CREB3L2: variants seen among roughly 807,000 people sequenced by gnomAD.
CREB3L2 encodes the protein cyclic AMP-responsive element-binding protein 3-like protein 2.
CREB3L2 carries 23 observed loss-of-function variants against 57.2 expected under a neutral mutation model. The observed-to-expected ratio is 0.40, with a 90% confidence interval of 0.29 to 0.57. The LOEUF (loss-of-function observed/expected upper bound fraction) is 0.57, where lower values mean the gene tolerates loss of function less well. Ranked by LOEUF, CREB3L2 falls within the 20% of genes least tolerant of loss-of-function variation. CREB3L2 has a pLI of 0.42. For synonymous variants in CREB3L2, 268 were observed against 265.1 expected (o/e 1.01, Z -0.11); for missense variants, 628 against 634.7 (o/e 0.99, Z 0.11).
chr7:137,889,221 C>T lies in CREB3L2; in HGVS notation c.1044-3719G>A, dbSNP rs537846506. ...CTCCCCAGTGCCTCCTGAAAACAGACTTTCAGCAGGCCAGCTACACCTGAA... is the reference window on the plus strand; with the variant it reads ...CTCCCCAGTGCCTCCTGAAAACAGATTTTCAGCAGGCCAGCTACACCTGAA... On this transcript the variant is annotated intron_variant, in intron 8 of 11. Coordinates refer to ENST00000330387, the MANE Select transcript of CREB3L2 (RefSeq NM_194071.4). 4.6e-5 allele frequency among the ~76,000 whole-genome samples: 7 copies of T among 152,312 alleles called. No homozygotes were observed. The East Asian group carries it at 1.2e-3, about 25-fold the overall frequency.
chr7:137,912,104 T>C (rs1038268006), intron 4 of CREB3L2, among the ~76,000 whole-genome samples: 2 of 151,978 alleles, frequency 1.3e-5, no homozygotes, highest in Non-Finnish European at 2.9e-5. Context: ...TGGCCAGGCG[T>C]GGTGGCTTAT....
chr7:137,889,299 A>C (rs377102357), intron 8 of CREB3L2, among the ~76,000 whole-genome samples: 2 of 152,190 alleles, frequency 1.3e-5, no homozygotes, highest in East Asian at 3.9e-4. Flanking sequence ...TTCCCCAGTC[A>C]CAGGTGTAAA....
In CREB3L2 at chr7:137,951,824, C is replaced by CA. The variant is rs1051521434; in HGVS notation, c.103-23459dup. 5.9e-5 allele frequency among the ~76,000 whole-genome samples: 9 copies of CA among 151,618 alleles called. No individual in the cohort carries two copies. In the East Asian group the frequency reaches 7.7e-4, roughly 13 times the overall value. On this transcript the variant is annotated intron_variant, in intron 1 of 11. Transcript: ENST00000330387. ...CAACATAGGGAGACTCTGTCTCTACCAAAAAAAATGTTTTAATTAGCTGGG... is the reference window on the plus strand; with the variant it reads ...CAACATAGGGAGACTCTGTCTCTACCAAAAAAAAATGTTTTAATTAGCTGGG...
At chr7:137,992,603 C>T (rs1801919273) in intron 1 of CREB3L2, among the ~76,000 whole-genome samples, 1 of 152,146 alleles carries the variant, frequency 6.6e-6, no homozygotes, top group African/African-American at 2.4e-5. Flanking sequence ...AGACAAATAA[C>T]AAGTATAAAA....
At chr7:137,960,385 A>G (rs1242618635) in intron 1 of CREB3L2, among the ~76,000 whole-genome samples, 1 of 152,210 alleles carries the variant, frequency 6.6e-6, no homozygotes, top group African/African-American at 2.4e-5. Context: ...ATAAATACAT[A>G]TGTGTGTGTT....
rs1313071853 is a variant in CREB3L2 at position 137,875,113 on chromosome 7, T to G, written c.*5363A>C. 1 of 197,228 alleles carries G rather than the reference T, an allele frequency of 5.1e-6. No individual in the cohort carries two copies. The highest frequency in any genetic ancestry group is 6.1e-5 in the Admixed American group (1 of 16,392). 12.2% of individuals were successfully genotyped at this position (197,228 alleles called of 1,614,324 possible). A position where few individuals can be genotyped will look rare whatever the true frequency, so the allele number is the denominator to read the frequency against. ...TTTTTTTTTTTGGTATTTACTTAGC[T>G]ATGATAAAGAATAAAAAGTCATTTA... On this transcript the variant is annotated 3_prime_UTR_variant, in exon 12 of 12. Coordinates refer to ENST00000330387, the MANE Select transcript of CREB3L2 (RefSeq NM_194071.4).
intron 1 of CREB3L2, among the ~76,000 whole-genome samples, chr7:137,990,558 G>C (rs1160906737): frequency 6.6e-6 from 1 of 152,160 alleles, no homozygotes; most frequent in Non-Finnish European, 1.5e-5. Flanking sequence ...TCCTCGAATT[G>C]GAGGAAGGAC....
At chr7:137,936,187 C>A (rs1040074621) in intron 1 of CREB3L2, among the ~76,000 whole-genome samples, 1 of 152,208 alleles carries the variant, frequency 6.6e-6, no homozygotes, top group Admixed American at 6.5e-5. Context: ...CTTATAAAGA[C>A]AGAGTTATCC....
chr7:137,948,029 C>T (rs1296257147), intron 1 of CREB3L2, among the ~76,000 whole-genome samples: 1 of 152,168 alleles, frequency 6.6e-6, no homozygotes, highest in South Asian at 2.1e-4. Flanking sequence ...TTTCTGGCTC[C>T]CTGGATGAAC....
Position 137,969,779 on chromosome 7 carries a change from C to CAA in CREB3L2, c.102+31824_102+31825insTT, listed in dbSNP as rs1204009673. On this transcript the variant is annotated intron_variant, in intron 1 of 11. Coordinates refer to ENST00000330387, the MANE Select transcript of CREB3L2 (RefSeq NM_194071.4). ...GTCATCAAACACACACACACACACA[C>CAA]ACACACACACACACAACATACACAT... Among the ~76,000 whole-genome samples, 6 of 137,708 alleles carry CAA rather than the reference C, an allele frequency of 4.4e-5. No individual in the cohort carries two copies. In the East Asian group the frequency reaches 1.5e-3, roughly 34 times the overall value. 90.3% of individuals were successfully genotyped at this position (137,708 alleles called of 152,430 possible).
Position 137,914,490 on chromosome 7 carries a change from G to T in CREB3L2, c.495+1347C>A, listed in dbSNP as rs147748594. ...CTACTAAAAATACAAAAATTAGCCA[G>T]GCGTGGTGGCTGGTGCCTGTAATCC... is the stretch of plus-strand genomic sequence containing the variant. On this transcript the variant is annotated intron_variant, in intron 3 of 11. Transcript: ENST00000330387. Among the ~76,000 whole-genome samples the T allele has an allele frequency of 2.4e-4, 36 of 152,290 alleles. No homozygotes were observed. The East Asian group carries it at 6.6e-3, about 28-fold the overall frequency.
At chr7:137,900,497 AAAAAAC>A (rs949390186) in intron 8 of CREB3L2, among the ~76,000 whole-genome samples, 1 of 152,170 alleles carries the variant, frequency 6.6e-6, no homozygotes, top group African/African-American at 2.4e-5. Flanking sequence ...AAACTAATTT[AAAAAAC>A]AATGATTTGC....
At chr7:137,973,099 C>T in intron 1 of CREB3L2, among the ~76,000 whole-genome samples, 1 of 151,096 alleles carries the variant, frequency 6.6e-6, no homozygotes, top group Non-Finnish European at 1.5e-5. Context: ...GTGCAGCGCA[C>T]CAGCACGGCA....
chr7:137,879,381 G>C lies in CREB3L2; in HGVS notation c.*1095C>G. ...CAGGCAGGTGTGGAAAGCCAGCAAG[G>C]TTGTCTGAAATGTCTGTTGTCAGAA... On this transcript the variant is annotated 3_prime_UTR_variant, in exon 12 of 12. Coordinates refer to ENST00000330387, the MANE Select transcript of CREB3L2 (RefSeq NM_194071.4). The C allele has an allele frequency of 2.1e-6, 1 of 469,510 alleles. No homozygotes were observed. The highest frequency in any genetic ancestry group is 1.8e-5 in the South Asian group (1 of 55,100). 29.1% of individuals were successfully genotyped at this position (469,510 alleles called of 1,614,324 possible).
intron 2 of CREB3L2, among the ~76,000 whole-genome samples, chr7:137,919,587 T>C (rs933549461): frequency 6.6e-6 from 1 of 152,230 alleles, no homozygotes; most frequent in African/African-American, 2.4e-5. Context: ...GAAAACTTTC[T>C]ATGTGGATAA....
chr7:137,968,347 C>T (rs1801443997), intron 1 of CREB3L2, among the ~76,000 whole-genome samples: 1 of 152,124 alleles, frequency 6.6e-6, no homozygotes, highest in South Asian at 2.1e-4. Flanking sequence ...TCTCCCAACG[C>T]TATCCATCCC....
chr7:137,926,006 G>C (rs778777825), intron 2 of CREB3L2, among the ~76,000 whole-genome samples: 5 of 152,248 alleles, frequency 3.3e-5, no homozygotes, highest in Non-Finnish European at 7.3e-5. Flanking sequence ...GAACTGAATG[G>C]TGAATGCTTT....
At chr7:137,994,357 G>A (rs1801949165) in intron 1 of CREB3L2, among the ~76,000 whole-genome samples, 1 of 152,154 alleles carries the variant, frequency 6.6e-6, no homozygotes, top group African/African-American at 2.4e-5. Flanking sequence ...TTGAAAAATG[G>A]CATTTAGCTT....
intron 1 of CREB3L2, among the ~76,000 whole-genome samples, chr7:137,946,146 G>A (rs147222503): frequency 1.3e-5 from 2 of 152,238 alleles, no homozygotes; most frequent in African/African-American, 4.8e-5. Context: ...GCTCCCTGCT[G>A]TAACATGCTC....
Sources: allele counts gnomAD v4.1 joint callset (sites outside exome capture counted in the v4.1 genomes callset), GRCh38; gene constraint gnomAD v4.1.1; transcripts MANE v1.5; gene names NCBI Gene and HGNC (gene_info 2026-07-23, HGNC 2026-07-21).